IFT122: variants seen among roughly 807,000 people sequenced by gnomAD.
IFT122 encodes intraflagellar transport 122.
Under a neutral mutation model 161.6 loss-of-function variants are expected in IFT122, and 118 were observed. The ratio of observed to expected loss-of-function variants is 0.73; its 90% CI spans 0.63 to 0.85. The LOEUF (loss-of-function observed/expected upper bound fraction) is 0.85. Among genes scored for constraint, IFT122 ranks in the 40% least tolerant of loss-of-function variants. The probability of loss-of-function intolerance (pLI) is 0.00; values close to 1 mark genes in which losing one functional copy is unlikely to be tolerated. For missense variants in IFT122, 1,381 were observed against 1,579.6 expected (o/e 0.87, Z 2.13); for synonymous variants, 550 against 602.4 (o/e 0.91, Z 1.27).
chr3:129,447,789 G>A (rs1226820348), intron 1 of IFT122, among the ~76,000 whole-genome samples: 2 of 152,152 alleles, frequency 1.3e-5, no homozygotes, highest in African/African-American at 4.8e-5. Flanking sequence ...GGGATTACAG[G>A]CATGAGCACC....
intron 16 of IFT122, among the ~76,000 whole-genome samples, chr3:129,488,820 G>C (rs989580561): frequency 6.6e-6 from 1 of 152,006 alleles, no homozygotes; most frequent in Non-Finnish European, 1.5e-5. Flanking sequence ...ACACAATGCT[G>C]CTTTTCTTAG....
At chr3:129,514,049 A>C (rs1291085177) in intron 24 of IFT122, 1 of 386,274 alleles carries the variant, frequency 2.6e-6, no homozygotes, top group Non-Finnish European at 5.0e-6. Flanking sequence ...TGTGCCAGGC[A>C]TCCTAGGAGG....
At chr3:129,440,475 G>C in intron 1 of IFT122, 104 bp downstream of exon 1, 2 of 1,385,026 alleles carry the variant, frequency 1.4e-6, no homozygotes, top group Middle Eastern at 2.4e-4. Flanking sequence ...TGCTGCCTGG[G>C]CCGAGGGCAC....
At chr3:129,460,507 C>T (rs992429837) in intron 4 of IFT122, among the ~76,000 whole-genome samples, 2 of 151,950 alleles carry the variant, frequency 1.3e-5, no homozygotes, top group Non-Finnish European at 2.9e-5. Flanking sequence ...CAATCCTTCT[C>T]CCTTGGCCGC....
In IFT122 at chr3:129,461,993, A is replaced by G. The variant is rs1025199609; in HGVS notation, c.349+689A>G. Among the ~76,000 whole-genome samples, 9 of 152,342 alleles carry G rather than the reference A, an allele frequency of 5.9e-5. No homozygotes were observed. The East Asian group carries it at 1.7e-3, about 29-fold the overall frequency. ...TCTGTGTTCGTTGCTAGTGGATACA[A>G]TGAAGTCACTAGATGAGGAGTCAGA... On this transcript the variant is annotated intron_variant, in intron 5 of 29. Coordinates refer to ENST00000348417, the MANE Select transcript of IFT122 (RefSeq NM_052989.3).
chr3:129,460,110 G>A (rs1391964505), intron 4 of IFT122, among the ~76,000 whole-genome samples: 1 of 152,040 alleles, frequency 6.6e-6, no homozygotes, highest in Non-Finnish European at 1.5e-5. Flanking sequence ...TACTTTTTAA[G>A]TTTACAGTTT....
chr3:129,475,022 G>T (rs1010516831), intron 9 of IFT122, among the ~76,000 whole-genome samples: 29 of 152,130 alleles, frequency 1.9e-4, no homozygotes, highest in African/African-American at 7.0e-4. Flanking sequence ...GAGTGTGGTG[G>T]TATATGCCTC....
chr3:129,515,574 C>T lies in IFT122; in HGVS notation c.3240C>T (p.Pro1080=), dbSNP rs2083389583. ...LGNVCINCRQ[P]FIFSASSYDV... ...ACGTCTGCATCAACTGCCGCCAGCC[C>T]TTCATCTTCTCCGCCTCTTCCTACG... The change falls in exon 26 of 30, where the codon CCC becomes CCT. Residue 1080 remains proline, a synonymous_variant. Transcript: ENST00000348417. 2 of 1,503,262 alleles carry T rather than the reference C, an allele frequency of 1.3e-6. No individual in the cohort carries two copies. The highest frequency in any genetic ancestry group is 1.8e-6 in the Non-Finnish European group (2 of 1,082,870). The allele number at this position is 1,503,262 out of a possible 1,614,324, so 93.1% of individuals were successfully genotyped here. A position where few individuals can be genotyped will look rare whatever the true frequency, so the allele number is the denominator to read the frequency against.
At chr3:129,492,940 C>T (rs1365436649) in intron 17 of IFT122, among the ~76,000 whole-genome samples, 2 of 151,584 alleles carry the variant, frequency 1.3e-5, no homozygotes, top group African/African-American at 4.9e-5. Flanking sequence ...CACCTAGCCT[C>T]CCAAGTAGCT....
intron 15 of IFT122, among the ~76,000 whole-genome samples, chr3:129,484,582 G>C (rs2079061610): frequency 6.6e-6 from 1 of 152,164 alleles, no homozygotes; most frequent in African/African-American, 2.4e-5. Context: ...CAGATTTACT[G>C]TATTCCCTGA....
In IFT122 at chr3:129,476,757, G is replaced by A. The variant is rs150550701; in HGVS notation, c.1103G>A (p.Ser368Asn). 3,403 of 1,614,196 alleles carry A rather than the reference G, an allele frequency of 2.1e-3. 22 individuals carry two copies. Among genetic ancestry groups the A allele is most frequent in the East Asian group, 9.1e-3 (407 of 44,884 alleles). The change falls in exon 11 of 30, where the codon AGC becomes AAC. Residue 368 changes from serine (S) to asparagine (N), a missense_variant. By Grantham distance (46) the Ser-to-Asn change is conservative. This residue lies in a region of IFT122 where 544 missense variants were observed against 648.0 expected (regional missense o/e 0.84). Transcript: ENST00000348417. ...LYKDRYAYRDSMTDVIVQHLI... is the reference protein window; with the variant it reads ...LYKDRYAYRDNMTDVIVQHLI... ...AAGGACCGCTATGCCTACAGGGATAGCATGACTGACGTCATTGTGCAGCAC... is the reference window on the plus strand; with the variant it reads ...AAGGACCGCTATGCCTACAGGGATAACATGACTGACGTCATTGTGCAGCAC...
intron 8 of IFT122, among the ~76,000 whole-genome samples, chr3:129,468,865 A>G (rs1259378191): frequency 2.6e-5 from 4 of 152,344 alleles, no homozygotes; most frequent in East Asian, 1.9e-4. Context: ...CCTGCAGGAG[A>G]ACCTATTTTT....
At position 129,519,875 on chromosome 3, in the gene IFT122, C is replaced by A. The variant is rs983053057; in HGVS notation, c.3636+143C>A. 10 of 1,009,830 alleles carry A rather than the reference C, an allele frequency of 9.9e-6. No individual in the cohort carries two copies. The South Asian group carries it at 1.1e-4, about 11-fold the overall frequency. 62.6% of individuals were successfully genotyped at this position (1,009,830 alleles called of 1,614,324 possible). A position where few individuals can be genotyped will look rare whatever the true frequency, so the allele number is the denominator to read the frequency against. On this transcript the variant is annotated intron_variant, in intron 29 of 29. Transcript: ENST00000348417. ...GGACAGAGGCTTGTCTGTCCTCTCC[C>A]CTGCTTGCATTCCATGTGCATCTAA...
chr3:129,440,236 C>A lies in IFT122; in HGVS notation c.-95C>A. The A allele has an allele frequency of 1.3e-6, 2 of 1,499,848 alleles. No individual in the cohort carries two copies. Among genetic ancestry groups the A allele is most frequent in the Non-Finnish European group, 1.8e-6 (2 of 1,101,908 alleles). The allele number at this position is 1,499,848 out of a possible 1,614,324, so 92.9% of individuals were successfully genotyped here. ...CGTTGCCAGGGGTAACGCAGGTAGC[C>A]AAAGTGGCTTGTGGAGTGGCGACCG... is the stretch of plus-strand genomic sequence containing the variant. On this transcript the variant is annotated 5_prime_UTR_variant, in exon 1 of 30. Coordinates refer to ENST00000348417, the MANE Select transcript of IFT122 (RefSeq NM_052989.3).
At chr3:129,480,410 C>T (rs1026196724) in intron 13 of IFT122, among the ~76,000 whole-genome samples, 3 of 152,180 alleles carry the variant, frequency 2.0e-5, no homozygotes, top group Admixed American at 2.0e-4. Context: ...CCAGGTTACA[C>T]AAAATTCTGT....
At chr3:129,508,930 G>A (rs1019685936) in intron 23 of IFT122, among the ~76,000 whole-genome samples, 2 of 152,162 alleles carry the variant, frequency 1.3e-5, no homozygotes, top group Non-Finnish European at 2.9e-5. Flanking sequence ...GCATCTCCTC[G>A]ATTTGCTGAG....
chr3:129,481,072 AT>A (rs1332064284), intron 13 of IFT122, among the ~76,000 whole-genome samples: 1 of 152,054 alleles, frequency 6.6e-6, no homozygotes, highest in Non-Finnish European at 1.5e-5. Context: ...TCTAAAAAAA[AT>A]TTTTTTTAAA....
rs774669835 is a variant in IFT122, at chr3:129,460,936, A to G, written c.273-292A>G. ...AACAGTAAGAGTAACAGCCACAGAT[A>G]AAGCACCTAAAGGCCAAGGTGGGAG... is the stretch of plus-strand genomic sequence containing the variant. On this transcript the variant is annotated intron_variant, in intron 4 of 29. Transcript: ENST00000348417. 7 of 1,613,628 alleles carry G rather than the reference A, an allele frequency of 4.3e-6. No homozygotes were observed. The highest frequency in any genetic ancestry group is 4.2e-6 in the Non-Finnish European group (5 of 1,179,520).
At chr3:129,496,199 G>A (rs2080820712) in intron 18 of IFT122, among the ~76,000 whole-genome samples, 2 of 151,982 alleles carry the variant, frequency 1.3e-5, no homozygotes, top group Non-Finnish European at 2.9e-5. Context: ...TTTTGCATTG[G>A]GACGGCCCCC....
Sources: allele counts gnomAD v4.1 joint callset (sites outside exome capture counted in the v4.1 genomes callset), GRCh38; gene constraint gnomAD v4.1.1; regional missense constraint gnomAD v4.1.1; transcripts MANE v1.5; gene names NCBI Gene and HGNC (gene_info 2026-07-23, HGNC 2026-07-21).